Variants in ABCC12 observed in about 807,000 individuals in gnomAD.
ABCC12 encodes ATP binding cassette subfamily C member 12, also known as ATP-binding cassette sub-family C member 12.
Under a neutral mutation model 151.1 loss-of-function variants are expected in ABCC12, and 142 were observed. That is an observed-to-expected ratio of 0.94 (90% CI 0.82 to 1.08). The LOEUF is 1.08. ABCC12 is among the 50% of genes least tolerant of loss of function. The probability of loss-of-function intolerance (pLI) is 0.00; values close to 1 mark genes in which losing one functional copy is unlikely to be tolerated. For missense variants in ABCC12, 1,638 were observed against 1,691.1 expected (o/e 0.97, Z 0.55); for synonymous variants, 645 against 646.4 (o/e 1.00, Z 0.03).
intron 20 of ABCC12, among the ~76,000 whole-genome samples, chr16:48,106,231 G>A (rs938785265): frequency 1.3e-5 from 2 of 152,178 alleles, no homozygotes; most frequent in Non-Finnish European, 2.9e-5. Context: ...GGGATAGAAG[G>A]CCCAGCCTGA....
intron 9 of ABCC12, among the ~76,000 whole-genome samples, 176 bp downstream of exon 9, chr16:48,133,507 CTGAG>C (rs953541088): frequency 2.0e-5 from 3 of 149,200 alleles, no homozygotes; most frequent in African/African-American, 5.0e-5. Context: ...GCCTGGGTGA[CTGAG>C]TGAGACCCTG....
intron 4 of ABCC12, among the ~76,000 whole-genome samples, chr16:48,142,233 C>A (rs985286756): frequency 1.3e-5 from 2 of 152,182 alleles, no homozygotes; most frequent in East Asian, 3.9e-4. Flanking sequence ...ATAGAAGATG[C>A]TCGTGAGGCA....
Position 48,105,376 on chromosome 16 carries a change from T to G in ABCC12, c.2476-40A>C, listed in dbSNP as rs200789508. On this transcript the variant is annotated intron_variant, in intron 20 of 30. Coordinates refer to ENST00000311303, the MANE Select transcript of ABCC12 (RefSeq NM_001393797.1). ...AAGAGAAGCACCAAGAATTGATAAA[T>G]TCCTGCCAGGAGAACAGGAATTTTC... 610 of 1,550,910 alleles carry G rather than the reference T, an allele frequency of 3.9e-4. 1 individual carries two copies. Among genetic ancestry groups the G allele is most frequent in the Non-Finnish European group, 2.7e-4 (306 of 1,146,400 alleles).
chr16:48,095,187 T>C (rs904115029), intron 24 of ABCC12, among the ~76,000 whole-genome samples: 1 of 152,172 alleles, frequency 6.6e-6, no homozygotes, highest in Non-Finnish European at 1.5e-5. Context: ...GTGGGGGCAG[T>C]TTCCCCCATA....
chr16:48,151,779 G>A (rs1317679409), intron 2 of ABCC12, among the ~76,000 whole-genome samples: 1 of 152,236 alleles, frequency 6.6e-6, no homozygotes, highest in Non-Finnish European at 1.5e-5. Context: ...CCACATTGCT[G>A]TAATATCTGA....
chr16:48,126,563 C>T (rs1260981747), intron 11 of ABCC12, among the ~76,000 whole-genome samples: 1 of 152,224 alleles, frequency 6.6e-6, no homozygotes, highest in Non-Finnish European at 1.5e-5. Flanking sequence ...TACCTAACAT[C>T]AGCTAAGACT....
In ABCC12 at chr16:48,133,667, G is replaced by A. The variant is rs1036648628; in HGVS notation, c.1128+20C>T. The A allele has an allele frequency of 1.9e-6, 3 of 1,611,792 alleles. No individual in the cohort carries two copies. The highest frequency in any genetic ancestry group is 2.2e-5 in the South Asian group (2 of 90,818). ...CGGGGTCAGGTTGTGAAAGAGCCTC[G>A]ATCTGGAGCCAGCTCTTACCACGGG... On this transcript the variant is annotated intron_variant, in intron 9 of 30. Coordinates refer to ENST00000311303, the MANE Select transcript of ABCC12 (RefSeq NM_001393797.1).
At chr16:48,125,412 G>A (rs1964207244) in intron 11 of ABCC12, among the ~76,000 whole-genome samples, 2 of 152,144 alleles carry the variant, frequency 1.3e-5, no homozygotes, top group Non-Finnish European at 2.9e-5. Flanking sequence ...CAGAGCCCTT[G>A]GGCACGGATG....
intron 14 of ABCC12, 80 bp downstream of exon 14, chr16:48,117,181 C>CT: frequency 7.3e-7 from 1 of 1,372,712 alleles, no homozygotes; most frequent in Non-Finnish European, 1.0e-6. Context: ...GGAACAGGGG[C>CT]TTGCTGGCCT....
intron 12 of ABCC12, among the ~76,000 whole-genome samples, chr16:48,123,766 C>T (rs962074374): frequency 5.9e-5 from 9 of 152,200 alleles, no homozygotes; most frequent in Admixed American, 3.9e-4. Flanking sequence ...CTTCCTACCC[C>T]AAGGTTTGCA....
At chr16:48,086,880 G>A (rs1051092242) in intron 27 of ABCC12, 61 bp from the exon 28 acceptor site, 51 of 1,425,420 alleles carry the variant, frequency 3.6e-5, no homozygotes, top group Admixed American at 5.0e-5. Context: ...GGATGGATGC[G>A]GAGCAGGTTT....
In ABCC12 at chr16:48,088,026, A is replaced by G; in HGVS notation, c.3535T>C (p.Phe1179Leu). 1 of 1,614,238 alleles carries G rather than the reference A, an allele frequency of 6.2e-7. No individual in the cohort carries two copies. The highest frequency in any genetic ancestry group is 8.5e-7 in the Non-Finnish European group (1 of 1,180,026). ...RLVEPASGTI[F>L]IDEVDICILS... is the part of the protein sequence containing the mutation. ...ATGCAGATATCCACCTCATCAATAA[A>G]GATTGTGCCACTGGCTGGCTCCACC... The change falls in exon 27 of 31, where the codon TTT becomes CTT. Residue 1179 changes from phenylalanine (F) to leucine (L), a missense_variant. By Grantham distance (22) the Phe-to-Leu change is conservative (BLOSUM62 0). Coordinates refer to ENST00000311303, the MANE Select transcript of ABCC12 (RefSeq NM_001393797.1).
intron 25 of ABCC12, among the ~76,000 whole-genome samples, chr16:48,090,222 A>G (rs779689075): frequency 3.9e-5 from 6 of 151,944 alleles, no homozygotes; most frequent in Non-Finnish European, 8.8e-5. Context: ...ATCAAATAAT[A>G]ATTTTTAACT....
In ABCC12 at chr16:48,081,655, C is replaced by T. The variant is rs1226088135; in HGVS notation, c.*2060G>A. 1.3e-5 allele frequency among the ~76,000 whole-genome samples: 2 copies of T among 152,152 alleles called. No individual in the cohort carries two copies. The highest frequency in any genetic ancestry group is 2.4e-5 in the African/African-American group (1 of 41,426). ...TCATGGAAAAAATGCTTGTCACAGT[C>T]CTGGCACACTGCAAGGTCTCAGTAG... On this transcript the variant is annotated 3_prime_UTR_variant, in exon 31 of 31. Transcript: ENST00000311303.
At chr16:48,085,296 G>A (rs1962538786) in intron 29 of ABCC12, among the ~76,000 whole-genome samples, 1 of 152,114 alleles carries the variant, frequency 6.6e-6, no homozygotes, top group African/African-American at 2.4e-5. Flanking sequence ...CAGAGACAAT[G>A]GGAGAAAGTT....
chr16:48,142,217 C>G (rs953944438), intron 4 of ABCC12, among the ~76,000 whole-genome samples: 1 of 152,250 alleles, frequency 6.6e-6, no homozygotes, highest in Non-Finnish European at 1.5e-5. Context: ...ATAGGTCCAG[C>G]TTTAGATAGA....
chr16:48,145,713 G>A (rs1030209391), intron 3 of ABCC12, among the ~76,000 whole-genome samples: 16 of 152,190 alleles, frequency 1.1e-4, no homozygotes, highest in East Asian at 7.7e-4. Flanking sequence ...TTGAGCACAC[G>A]CGGGGTCCAG....
chr16:48,135,121 G>A (rs1436804282), intron 8 of ABCC12, among the ~76,000 whole-genome samples: 2 of 151,392 alleles, frequency 1.3e-5, no homozygotes, highest in Admixed American at 6.6e-5. Flanking sequence ...TATGAGTTAC[G>A]ATTTTGCCTG....
chr16:48,129,620 A>G (rs1964355771), intron 10 of ABCC12, among the ~76,000 whole-genome samples: 1 of 152,192 alleles, frequency 6.6e-6, no homozygotes, highest in African/African-American at 2.4e-5. Context: ...GCAGCTGAGA[A>G]TAAGTATTGG....
Sources: allele counts gnomAD v4.1 joint callset (sites outside exome capture counted in the v4.1 genomes callset), GRCh38; gene constraint gnomAD v4.1.1; transcripts MANE v1.5; gene names NCBI Gene and HGNC (gene_info 2026-07-23, HGNC 2026-07-21).